The following INTS4 variants were observed in gnomAD, a reference collection of about 807,000 sequenced individuals.
INTS4 encodes the protein integrator complex subunit 4.
Under a neutral mutation model 119.5 loss-of-function variants are expected in INTS4, and 70 were observed. That is an observed-to-expected ratio of 0.59 (90% confidence interval 0.48 to 0.71). INTS4 has a LOEUF of 0.71. Among genes scored for constraint, INTS4 ranks in the 30% least tolerant of loss-of-function variants. The pLI is 0.00. For missense variants in INTS4, 867 were observed against 1,173.2 expected (o/e 0.74, Z 3.81); for synonymous variants, 316 against 419.6 (o/e 0.75, Z 3.02).
chr11:77,890,369 G>C (rs1204998039), intron 21 of INTS4, among the ~76,000 whole-genome samples: 1 of 151,908 alleles, frequency 6.6e-6, no homozygotes, highest in Non-Finnish European at 1.5e-5. Context: ...CTATTTTTCT[G>C]TCCCCTTATT....
intron 15 of INTS4, 135 bp from the exon 16 acceptor site, chr11:77,907,945 G>C: frequency 3.4e-6 from 2 of 585,588 alleles, no homozygotes; most frequent in Non-Finnish European, 5.9e-6. Flanking sequence ...ACTGAATGCT[G>C]GAGTGGTTAT....
At chr11:77,937,645 G>A (rs1280035039) in intron 10 of INTS4, among the ~76,000 whole-genome samples, 1 of 152,104 alleles carries the variant, frequency 6.6e-6, no homozygotes, top group Non-Finnish European at 1.5e-5. Flanking sequence ...TCGAGAGGCT[G>A]AGGTGGGAGG....
intron 11 of INTS4, 46 bp downstream of exon 11, chr11:77,928,296 G>C (rs377635978): frequency 2.4e-5 from 39 of 1,597,802 alleles, no homozygotes; most frequent in Admixed American, 3.4e-5. Flanking sequence ...TTTTAACAGG[G>C]GGGGGTGAGG....
chr11:77,881,967 A>G (rs1346656522), intron 22 of INTS4, among the ~76,000 whole-genome samples: 2 of 149,754 alleles, frequency 1.3e-5, no homozygotes, highest in African/African-American at 2.5e-5. Context: ...GCTGGAGTGT[A>G]GTGGCATGAT....
intron 1 of INTS4, among the ~76,000 whole-genome samples, chr11:77,992,214 A>G (rs1856719781): frequency 6.6e-6 from 1 of 151,956 alleles, no homozygotes; most frequent in Non-Finnish European, 1.5e-5. Context: ...CCTGGCCAAC[A>G]TGGCAAAACC....
intron 15 of INTS4, among the ~76,000 whole-genome samples, chr11:77,914,011 G>C (rs1197688822): frequency 1.3e-5 from 2 of 152,162 alleles, no homozygotes; most frequent in Non-Finnish European, 2.9e-5. Context: ...ACAGAATATG[G>C]ATTTTAGAGT....
chr11:77,994,443 G>A (rs538322041), intron 1 of INTS4, 147 bp downstream of exon 1: 28 of 654,224 alleles, frequency 4.3e-5, no homozygotes, highest in East Asian at 8.1e-5. Context: ...AAACTAACAC[G>A]CCCACTAACT....
chr11:77,877,028 A>G (rs1590986399), downstream of INTS4: 3 of 703,150 alleles, frequency 4.3e-6, no homozygotes, highest in Non-Finnish European at 7.8e-6. Context: ...TTCATGGCAC[A>G]TCCTTGAGAG....
chr11:77,929,666 G>A (rs138797687), intron 10 of INTS4, among the ~76,000 whole-genome samples: 1 of 152,274 alleles, frequency 6.6e-6, no homozygotes, highest in East Asian at 1.9e-4. Flanking sequence ...AAATCATATA[G>A]TAGTTAAGGA....
intron 4 of INTS4, among the ~76,000 whole-genome samples, chr11:77,976,452 G>T (rs2136631339): frequency 6.6e-6 from 1 of 152,316 alleles, no homozygotes; most frequent in Non-Finnish European, 1.5e-5. Context: ...GGAGGTCAAA[G>T]TTGGAGGAAC....
At chr11:77,902,772 T>C (rs1259258695) in intron 17 of INTS4, among the ~76,000 whole-genome samples, 68 of 152,204 alleles carry the variant, frequency 4.5e-4, no homozygotes. Context: ...CAAGTCTCAA[T>C]ACTCAGGTGC....
At chr11:77,875,300 G>A (rs111702957), downstream of INTS4, among the ~76,000 whole-genome samples, 134 of 152,316 alleles carry the variant, frequency 8.8e-4, 1 homozygote, top group African/African-American at 3.1e-3. Flanking sequence ...CAGATCAGTT[G>A]GAAGAAATAA....
intron 19 of INTS4, among the ~76,000 whole-genome samples, chr11:77,893,025 G>A (rs72939452): frequency 0.13 from 19,381 of 152,148 alleles, 1,396 homozygotes; most frequent in Admixed American, 0.19. Flanking sequence ...AAAACCTCAG[G>A]TTTGGTGAAC....
chr11:77,990,968 T>C (rs1856659728), intron 2 of INTS4, 140 bp downstream of exon 2: 1 of 668,600 alleles, frequency 1.5e-6, no homozygotes, highest in East Asian at 2.7e-5. Flanking sequence ...TTTATCTCGG[T>C]ATCCATAGTA....
chr11:77,905,012 A>T (rs748709986), intron 16 of INTS4, among the ~76,000 whole-genome samples: 1 of 152,204 alleles, frequency 6.6e-6, no homozygotes, highest in Non-Finnish European at 1.5e-5. Context: ...CTGGTAAAAG[A>T]TTATTTTGTT....
intron 18 of INTS4, chr11:77,900,679 T>C (rs1591032521): frequency 5.8e-6 from 4 of 687,816 alleles, no homozygotes; most frequent in African/African-American, 5.3e-5. Flanking sequence ...CTTTATTTTA[T>C]GAAATAGTAA....
At chr11:77,967,183 C>A (rs1855542037) in intron 4 of INTS4, among the ~76,000 whole-genome samples, 1 of 152,112 alleles carries the variant, frequency 6.6e-6, no homozygotes, top group Admixed American at 6.5e-5. Context: ...CATGACCCAA[C>A]AGTCATAGTT....
rs1279485669 is a variant in INTS4 at position 77,915,631 on chromosome 11, C to T, written c.1922+3190G>A. Among the ~76,000 whole-genome samples the T allele has an allele frequency of 2.6e-5, 4 of 152,252 alleles. No homozygotes were observed. The East Asian group carries it at 5.8e-4, about 22-fold the overall frequency. On this transcript the variant is annotated intron_variant, in intron 15 of 22. Transcript: ENST00000534064. ...CCATTTATCTCTCAGTTCCTCACTC[C>T]CACCCCTGCACCCAGCAAGTCACCA...
chr11:77,882,747 A>G (rs939969454), intron 22 of INTS4, among the ~76,000 whole-genome samples: 2 of 152,120 alleles, frequency 1.3e-5, no homozygotes, highest in Admixed American at 6.5e-5. Flanking sequence ...TAAAGTCATC[A>G]TTACCCATCT....
Sources: allele counts gnomAD v4.1 joint callset (sites outside exome capture counted in the v4.1 genomes callset), GRCh38; gene constraint gnomAD v4.1.1; transcripts MANE v1.5; gene names NCBI Gene and HGNC (gene_info 2026-07-23, HGNC 2026-07-21).